ARF4: variants seen among roughly 807,000 people sequenced by gnomAD.
The protein encoded by ARF4 is ADP-ribosylation factor 4.
ARF4 carries 5 observed loss-of-function variants against 24.3 expected under a neutral mutation model. The observed-to-expected ratio is 0.21, with a 90% CI of 0.11 to 0.43. The LOEUF is 0.43. Ranked by LOEUF, ARF4 falls within the 20% of genes least tolerant of loss-of-function variation. ARF4 has a pLI of 1.00. For synonymous variants in ARF4, 62 were observed against 73.5 expected, an observed-to-expected ratio of 0.84 and a Z score of 0.80; for missense variants, 107 against 213.0, an observed-to-expected ratio of 0.50 and a Z score of 3.10.
At chr3:57,573,657 T>A (rs2069866685) in intron 5 of ARF4, among the ~76,000 whole-genome samples, 1 of 152,100 alleles carries the variant, frequency 6.6e-6, no homozygotes, top group Admixed American at 6.6e-5. Flanking sequence ...CTCGGCTCAC[T>A]ACAACCTCCG....
intron 1 of ARF4, among the ~76,000 whole-genome samples, chr3:57,595,512 G>A (rs781378591): frequency 5.3e-5 from 8 of 152,134 alleles, no homozygotes; most frequent in Admixed American, 3.9e-4. Context: ...CTTTATGAAT[G>A]ACTCATAAAC....
rs1233583919 is a variant in ARF4 at position 57,596,849 on chromosome 3, T to G, written c.67+225A>C. ...AGAAAAAGCCGAGTCCAGAAAGAAATCTTGCCCGAAGCCCTGTCCCTGTCT... is the reference window on the plus strand; with the variant it reads ...AGAAAAAGCCGAGTCCAGAAAGAAAGCTTGCCCGAAGCCCTGTCCCTGTCT... On this transcript the variant is annotated intron_variant, in intron 1 of 5. Coordinates refer to ENST00000303436, the MANE Select transcript of ARF4 (RefSeq NM_001660.4). 1.1e-5 allele frequency: 6 copies of G among 532,142 alleles called. No homozygotes were observed. In the African/African-American group the frequency reaches 1.2e-4, roughly 10 times the overall value. The allele number at this position is 532,142 out of a possible 1,614,324, so 33.0% of individuals were successfully genotyped here.
intron 3 of ARF4, 97 bp from the exon 4 acceptor site, chr3:57,577,484 G>C: frequency 1.1e-6 from 1 of 875,184 alleles, no homozygotes; most frequent in Non-Finnish European, 1.8e-6. Flanking sequence ...TTAGACATTA[G>C]GAAGAAAATG....
Position 57,582,552 on chromosome 3 carries a change from GT to G in ARF4, c.258+1345del, listed in dbSNP as rs201744301. On this transcript the variant is annotated intron_variant, in intron 3 of 5. Coordinates refer to ENST00000303436, the MANE Select transcript of ARF4 (RefSeq NM_001660.4). Reference sequence around the variant, plus strand: ...CACCGTGCCTGGCCTAAACATTCTCGTTTTTAAATAAAAAAGTATACCACTT... The same window carrying G: ...CACCGTGCCTGGCCTAAACATTCTCGTTTTAAATAAAAAAGTATACCACTT... Among the ~76,000 whole-genome samples, 929 of 151,986 alleles carry G rather than the reference GT, an allele frequency of 6.1e-3. 31 individuals are homozygous for G. Among genetic ancestry groups the G allele is most frequent in the Admixed American group, 0.049 (748 of 15,248 alleles).
intron 3 of ARF4, among the ~76,000 whole-genome samples, chr3:57,583,017 G>C (rs754017941): frequency 3.9e-5 from 6 of 152,212 alleles, no homozygotes; most frequent in Admixed American, 6.5e-5. Flanking sequence ...TTGCCATCTA[G>C]TGGGTAGAGG....
rs2069851102 is a variant in ARF4 at position 57,572,305 on chromosome 3, A to AG, written c.457-8dup. 3 of 1,599,334 alleles carry AG rather than the reference A, an allele frequency of 1.9e-6. No individual in the cohort carries two copies. In the African/African-American group the frequency reaches 4.0e-5, roughly 21 times the overall value. The stretch of plus-strand genomic sequence containing the variant: ...AAGTGGCTTGAACATACCACTGTAA[A>AG]GAGAAGACAAGAAAATACTTGATTA... On this transcript the variant is annotated splice_polypyrimidine_tract_variant and splice_region_variant and intron_variant, in intron 5 of 5. Transcript: ENST00000303436.
At chr3:57,573,277 C>T (rs4681737) in intron 5 of ARF4, among the ~76,000 whole-genome samples, 38,199 of 151,746 alleles carry the variant, frequency 0.25, 6,904 homozygotes, top group African/African-American at 0.5. Flanking sequence ...ACAATTTCAC[C>T]ATCTTTAGTC....
intron 2 of ARF4, 34 bp from the exon 3 acceptor site, chr3:57,584,041 C>A (rs1268512471): frequency 1.5e-6 from 2 of 1,368,840 alleles, no homozygotes; most frequent in Non-Finnish European, 2.1e-6. Context: ...CGCTGTGCAG[C>A]GTCATTAAGA....
At chr3:57,594,337 C>T (rs1309567991) in intron 1 of ARF4, among the ~76,000 whole-genome samples, 1 of 152,218 alleles carries the variant, frequency 6.6e-6, no homozygotes. Context: ...ATCCTCCCAA[C>T]CTGGCCTCCC....
At chr3:57,587,515 G>A (rs541626101) in intron 1 of ARF4, among the ~76,000 whole-genome samples, 1 of 151,480 alleles carries the variant, frequency 6.6e-6, no homozygotes, top group Admixed American at 6.6e-5. Flanking sequence ...CTCCTCTACT[G>A]ATAGGAATTT....
intron 1 of ARF4, among the ~76,000 whole-genome samples, chr3:57,592,550 T>A (rs945087213): frequency 6.6e-6 from 1 of 152,182 alleles, no homozygotes; most frequent in Non-Finnish European, 1.5e-5. Context: ...GGCCACCAGT[T>A]ATACGGAAAA....
intron 4 of ARF4, among the ~76,000 whole-genome samples, chr3:57,577,068 AC>A (rs140632726): frequency 0.013 from 1,928 of 151,900 alleles, 43 homozygotes; most frequent in African/African-American, 0.044. Context: ...AAAAAAAAAA[AC>A]AACACTGCTC....
At chr3:57,588,265 C>T (rs1403004053) in intron 1 of ARF4, among the ~76,000 whole-genome samples, 1 of 152,200 alleles carries the variant, frequency 6.6e-6, no homozygotes, top group East Asian at 1.9e-4. Context: ...AGCAGGAAAA[C>T]TACCTCAGAA....
intron 4 of ARF4, among the ~76,000 whole-genome samples, chr3:57,576,763 C>T (rs1228950914): frequency 2.6e-5 from 4 of 152,026 alleles, no homozygotes; most frequent in Non-Finnish European, 5.9e-5. Flanking sequence ...AAACATTAAT[C>T]CAATCTATGG....
At chr3:57,576,997 A>C (rs1465366008) in intron 4 of ARF4, among the ~76,000 whole-genome samples, 1 of 151,818 alleles carries the variant, frequency 6.6e-6, no homozygotes, top group African/African-American at 2.4e-5. Flanking sequence ...TAAGGGACTG[A>C]GCTAAATCAG....
chr3:57,592,601 A>T (rs925006922), intron 1 of ARF4, among the ~76,000 whole-genome samples: 2 of 152,196 alleles, frequency 1.3e-5, no homozygotes, highest in African/African-American at 4.8e-5. Flanking sequence ...GATGAGAAAC[A>T]TCTACATTTT....
In ARF4 at chr3:57,577,399, T is replaced by C. The variant is rs945684757; in HGVS notation, c.259-12A>G. On this transcript the variant is annotated splice_polypyrimidine_tract_variant and intron_variant, in intron 3 of 5. Transcript: ENST00000303436. ...ACAAAAATAAGACCCTGGGGAAAAA[T>C]TGTTTCAGTAAATTTTAACAGTTAA... 1.5e-5 allele frequency: 24 copies of C among 1,611,482 alleles called. No individual in the cohort carries two copies. Among genetic ancestry groups the C allele is most frequent in the East Asian group, 2.2e-5 (1 of 44,782 alleles).
rs1400759279 is a variant in ARF4 at position 57,571,558 on chromosome 3, CAAT to C, written c.*651_*653del. On this transcript the variant is annotated 3_prime_UTR_variant, in exon 6 of 6. Coordinates refer to ENST00000303436, the MANE Select transcript of ARF4 (RefSeq NM_001660.4). ...AGCAACATGCAACATAAAAAAGACA[CAAT>C]ATAAAGGAAGACAATCTGCTGAGTA... The C allele has an allele frequency of 6.6e-6, 1 of 152,502 alleles. No individual in the cohort carries two copies. Among genetic ancestry groups the C allele is most frequent in the East Asian group, 1.9e-4 (1 of 5,190 alleles). 9.4% of individuals were successfully genotyped at this position (152,502 alleles called of 1,614,324 possible).
intron 3 of ARF4, among the ~76,000 whole-genome samples, chr3:57,579,044 C>G (rs1380836928): frequency 6.6e-6 from 1 of 151,932 alleles, no homozygotes; most frequent in Non-Finnish European, 1.5e-5. Context: ...CGCCTGTAAT[C>G]CCAGCATTCT....
Sources: allele counts gnomAD v4.1 joint callset (sites outside exome capture counted in the v4.1 genomes callset), GRCh38; gene constraint gnomAD v4.1.1; transcripts MANE v1.5; gene names NCBI Gene and HGNC (gene_info 2026-07-23, HGNC 2026-07-21).